Variants in NCOA2 observed in about 807,000 individuals in gnomAD.
NCOA2 encodes nuclear receptor coactivator 2.
NCOA2 carries 21 observed loss-of-function variants against 145.1 expected under a neutral mutation model. The ratio of observed to expected loss-of-function variants is 0.14; its 90% CI spans 0.10 to 0.21. The LOEUF (loss-of-function observed/expected upper bound fraction) is 0.21. Ranked by LOEUF, NCOA2 falls within the 10% of genes least tolerant of loss-of-function variation. The pLI is 1.00. For synonymous variants in NCOA2, 619 were observed against 637.5 expected, an observed-to-expected ratio of 0.97 and a Z score of 0.44; for missense variants, 1,472 against 1,837.6, an observed-to-expected ratio of 0.80 and a Z score of 3.64.
At chr8:70,221,096 C>T (rs985099168) in intron 2 of NCOA2, among the ~76,000 whole-genome samples, 13 of 152,146 alleles carry the variant, frequency 8.5e-5, no homozygotes, top group Admixed American at 2.6e-4. Context: ...GTTATGAGAA[C>T]AGAAAGACTT....
At chr8:70,311,067 C>T (rs577449939) in intron 1 of NCOA2, among the ~76,000 whole-genome samples, 1 of 151,630 alleles carries the variant, frequency 6.6e-6, no homozygotes, top group South Asian at 2.1e-4. Context: ...CACAATGTCT[C>T]GGTAGTAGAT....
chr8:70,128,917 C>T lies in NCOA2; in HGVS notation c.3388G>A (p.Ala1130Thr), dbSNP rs757717440. The change falls in exon 17 of 23, where the codon GCG becomes ACG. Residue 1130 changes from alanine to threonine, a missense_variant. By Grantham distance (58) the Ala-to-Thr change is moderately conservative. Coordinates refer to ENST00000452400, the MANE Select transcript of NCOA2 (RefSeq NM_006540.4). ...GCATACTGCTGTGGGAAAACGGGCG[C>T]CTTCTGCTCCAGCATGATGTTGGAA... is the stretch of plus-strand genomic sequence containing the variant. Reference protein sequence around the residue: ...QDSNIMLEQKAPVFPQQYASQ... With the variant: ...QDSNIMLEQKTPVFPQQYASQ... 6.6e-5 allele frequency: 107 copies of T among 1,612,288 alleles called. No individual in the cohort carries two copies. Among genetic ancestry groups the T allele is most frequent in the Non-Finnish European group, 8.1e-5 (95 of 1,179,154 alleles).
chr8:70,323,514 G>T (rs185829339), intron 1 of NCOA2, among the ~76,000 whole-genome samples: 1 of 152,194 alleles, frequency 6.6e-6, no homozygotes, highest in African/African-American at 2.4e-5. Flanking sequence ...CTTCAAAAAG[G>T]TCATTGATAT....
intron 2 of NCOA2, among the ~76,000 whole-genome samples, chr8:70,246,333 A>G (rs1003569110): frequency 2.0e-5 from 3 of 152,148 alleles, no homozygotes; most frequent in Admixed American, 6.6e-5. Context: ...TTTAAATGTG[A>G]GAGTGCTGGG....
chr8:70,374,016 G>C (rs1422344917), intron 1 of NCOA2, among the ~76,000 whole-genome samples: 1 of 152,100 alleles, frequency 6.6e-6, no homozygotes, highest in African/African-American at 2.4e-5. Flanking sequence ...ATGAATTTTA[G>C]TTCCAGCCTG....
In NCOA2 at chr8:70,117,401, A is replaced by T. The variant is rs1195794536; in HGVS notation, c.4384-3758T>A. Among the ~76,000 whole-genome samples the T allele has an allele frequency of 2.0e-5, 3 of 152,260 alleles. No individual in the cohort carries two copies. The East Asian group carries it at 5.8e-4, about 29-fold the overall frequency. On this transcript the variant is annotated intron_variant, in intron 22 of 22. Transcript: ENST00000452400. ...TGGTAAATTCGAGGCCAAAAGATTCATTCCCTTCCCTCGCTCTGGGAGGTT... is the reference window on the plus strand; with the variant it reads ...TGGTAAATTCGAGGCCAAAAGATTCTTTCCCTTCCCTCGCTCTGGGAGGTT...
chr8:70,281,879 C>T (rs1174138071), intron 2 of NCOA2, among the ~76,000 whole-genome samples: 1 of 152,200 alleles, frequency 6.6e-6, no homozygotes, highest in African/African-American at 2.4e-5. Context: ...ACTATCACCA[C>T]CAAATGTGGT....
At chr8:70,152,378 TAA>T (rs902771639) in intron 11 of NCOA2, among the ~76,000 whole-genome samples, 7 of 152,310 alleles carry the variant, frequency 4.6e-5, no homozygotes, top group African/African-American at 1.7e-4. Flanking sequence ...ATATTTTAAA[TAA>T]AAAGTATAAT....
upstream of NCOA2, among the ~76,000 whole-genome samples, chr8:70,405,817 A>G (rs145758931): frequency 7.7e-4 from 118 of 152,298 alleles, no homozygotes; most frequent in African/African-American, 2.8e-3. Flanking sequence ...CTGCAAACAA[A>G]TGACTCCCCC....
chr8:70,438,783 A>C, the NCOA2 span, among the ~76,000 whole-genome samples: 2 of 152,300 alleles, frequency 1.3e-5, no homozygotes, highest in Non-Finnish European at 2.9e-5. Flanking sequence ...CCAATTTTAG[A>C]TTATTTTTTC....
chr8:70,174,521 T>C (rs73687615), intron 5 of NCOA2, among the ~76,000 whole-genome samples: 8,588 of 152,224 alleles, frequency 0.056, 808 homozygotes, highest in African/African-American at 0.2. Context: ...TTACAACTTG[T>C]CAATGTCTAC....
At chr8:70,242,962 G>A (rs192821345) in intron 2 of NCOA2, among the ~76,000 whole-genome samples, 167 of 152,158 alleles carry the variant, frequency 1.1e-3, no homozygotes, top group African/African-American at 3.9e-3. Context: ...AGCAGGATTT[G>A]CAAGCTAGAC....
the NCOA2 span, among the ~76,000 whole-genome samples, chr8:70,450,573 C>CTTTTTTTTTTTTT: frequency 1.5e-3 from 144 of 94,616 alleles, 6 homozygotes; most frequent in Non-Finnish European, 1.8e-3. Flanking sequence ...TCTTTTTATT[C>CTTTTTTTTTTTTT]TTTTTTTTTT....
chr8:70,328,271 A>G (rs1806773506), intron 1 of NCOA2, among the ~76,000 whole-genome samples: 1 of 152,220 alleles, frequency 6.6e-6, no homozygotes, highest in African/African-American at 2.4e-5. Context: ...AGTCTTATAG[A>G]TTATATGTAC....
intron 2 of NCOA2, among the ~76,000 whole-genome samples, chr8:70,253,209 C>A (rs1482136957): frequency 6.6e-6 from 1 of 152,160 alleles, no homozygotes; most frequent in East Asian, 1.9e-4. Flanking sequence ...CTTAAAGGCT[C>A]ATAAGCCATA....
At chr8:70,330,216 AATGATGATG>A (rs57235614) in intron 1 of NCOA2, among the ~76,000 whole-genome samples, 2 of 150,800 alleles carry the variant, frequency 1.3e-5, no homozygotes, top group African/African-American at 2.4e-5. Context: ...TGATGATGAT[AATGATGATG>A]ATGATGATGA....
the NCOA2 span, among the ~76,000 whole-genome samples, chr8:70,436,472 A>G: frequency 6.6e-6 from 1 of 152,204 alleles, no homozygotes; most frequent in African/African-American, 2.4e-5. Flanking sequence ...GTGAAGTTGA[A>G]TACTGAGCTA....
At chr8:70,213,731 C>T (rs1359820707) in intron 4 of NCOA2, among the ~76,000 whole-genome samples, 172 bp downstream of exon 4, 5 of 152,122 alleles carry the variant, frequency 3.3e-5, no homozygotes, top group South Asian at 2.1e-4. Context: ...TATACAAAGC[C>T]TATTTATAAA....
the NCOA2 span, among the ~76,000 whole-genome samples, chr8:70,434,126 C>A: frequency 6.6e-6 from 1 of 152,092 alleles, no homozygotes; most frequent in South Asian, 2.1e-4. Context: ...AGAGAGAACT[C>A]AGAGGTCAAG....
Sources: gnomAD v4.1 joint callset for allele counts (sites outside exome capture counted in the v4.1 genomes callset) on GRCh38, gnomAD v4.1.1 for gene constraint, MANE v1.5 for transcripts, NCBI Gene and HGNC (gene_info 2026-07-23, HGNC 2026-07-21) for gene names.